Variants in ZFPM2 observed in about 807,000 individuals in gnomAD.
ZFPM2 encodes the protein zinc finger protein ZFPM2.
In ZFPM2, 20 loss-of-function variants were observed where a neutral mutation model predicts 98.6. The ratio of observed to expected loss-of-function variants is 0.20; its 90% confidence interval spans 0.14 to 0.29. ZFPM2 has a LOEUF of 0.29. Among genes scored for constraint, ZFPM2 ranks in the 10% least tolerant of loss-of-function variants. ZFPM2 has a pLI of 1.00. For synonymous variants in ZFPM2, 518 were observed against 502.7 expected (o/e 1.03, Z -0.41); for missense variants, 1,310 against 1,388.6 (o/e 0.94, Z 0.90).
intron 5 of ZFPM2, among the ~76,000 whole-genome samples, chr8:105,708,763 T>C (rs1811318135): frequency 6.6e-6 from 1 of 152,018 alleles, no homozygotes; most frequent in African/African-American, 2.4e-5. Flanking sequence ...TAGATAAGAG[T>C]TTTTATATCC....
chr8:105,766,087 T>G (rs1423390324), intron 5 of ZFPM2, among the ~76,000 whole-genome samples: 1 of 151,924 alleles, frequency 6.6e-6, no homozygotes, highest in East Asian at 1.9e-4. Context: ...CTTCATAGTT[T>G]TATCTATTTT....
At chr8:105,520,001 A>T (rs558627915) in intron 3 of ZFPM2, among the ~76,000 whole-genome samples, 1 of 152,284 alleles carries the variant, frequency 6.6e-6, no homozygotes, top group East Asian at 1.9e-4. Flanking sequence ...TCTAACTAAA[A>T]AAAATTGTTT....
intron 3 of ZFPM2, among the ~76,000 whole-genome samples, chr8:105,446,738 AC>A (rs1216014980): frequency 1.3e-5 from 2 of 151,790 alleles, no homozygotes; most frequent in Non-Finnish European, 3.0e-5. Flanking sequence ...AGGTATGGCT[AC>A]AAAAAAATTT....
intron 3 of ZFPM2, among the ~76,000 whole-genome samples, chr8:105,544,404 T>C (rs757747254): frequency 1.4e-4 from 22 of 152,146 alleles, no homozygotes; most frequent in Non-Finnish European, 2.4e-4. Flanking sequence ...TTGTAATTGA[T>C]TATGTGTTTG....
intron 1 of ZFPM2, among the ~76,000 whole-genome samples, chr8:105,411,841 A>C (rs574581178): frequency 6.6e-6 from 1 of 151,916 alleles, no homozygotes; most frequent in African/African-American, 2.4e-5. Flanking sequence ...TCCTGAGAGT[A>C]AATTAGTCAT....
At chr8:105,736,512 G>A (rs886199654) in intron 5 of ZFPM2, among the ~76,000 whole-genome samples, 6 of 151,822 alleles carry the variant, frequency 4.0e-5, no homozygotes, top group Non-Finnish European at 7.4e-5. Context: ...GCAAGCAGTT[G>A]GCATTAAATA....
At chr8:105,388,940 C>T (rs1436627545) in intron 1 of ZFPM2, among the ~76,000 whole-genome samples, 7 of 151,554 alleles carry the variant, frequency 4.6e-5, no homozygotes, top group Admixed American at 4.0e-4. Flanking sequence ...GTTGATGGCC[C>T]TATGAAAAGG....
chr8:105,359,669 C>T (rs563778064), intron 1 of ZFPM2, among the ~76,000 whole-genome samples: 240 of 152,180 alleles, frequency 1.6e-3, no homozygotes, highest in African/African-American at 5.5e-3. Context: ...CCACCGCGCC[C>T]GGCCCCACTC....
At chr8:105,491,297 C>CAATAAT (rs1007282873) in intron 3 of ZFPM2, among the ~76,000 whole-genome samples, 1 of 151,580 alleles carries the variant, frequency 6.6e-6, no homozygotes, top group Non-Finnish European at 1.5e-5. Flanking sequence ...TTAAGAAGCA[C>CAATAAT]AATAATAATA....
intron 6 of ZFPM2, chr8:105,795,711 A>G (rs946992386): frequency 5.5e-5 from 22 of 397,828 alleles, no homozygotes; most frequent in Non-Finnish European, 1.0e-4. Context: ...TTTACTTCAT[A>G]AAAAAGAAAT....
intron 4 of ZFPM2, among the ~76,000 whole-genome samples, chr8:105,610,536 C>T (rs1433042708): frequency 3.3e-5 from 5 of 151,958 alleles, no homozygotes; most frequent in African/African-American, 1.2e-4. Context: ...GCTAACAATG[C>T]TAGAGGAGAA....
chr8:105,465,329 C>A (rs1812777803), intron 3 of ZFPM2, among the ~76,000 whole-genome samples: 1 of 151,862 alleles, frequency 6.6e-6, no homozygotes, highest in Admixed American at 6.6e-5. Flanking sequence ...TTTAAATTAA[C>A]CCCAACCACA....
chr8:105,645,731 T>C (rs1483588299), intron 5 of ZFPM2, among the ~76,000 whole-genome samples: 1 of 151,828 alleles, frequency 6.6e-6, no homozygotes, highest in Non-Finnish European at 1.5e-5. Flanking sequence ...GGTGGTGAAA[T>C]ATACAGAAGC....
intron 5 of ZFPM2, among the ~76,000 whole-genome samples, chr8:105,712,318 A>T (rs1563532308): frequency 6.6e-6 from 1 of 152,064 alleles, no homozygotes; most frequent in South Asian, 2.1e-4. Context: ...AAAGAAATAG[A>T]CTAGGCCATC....
At chr8:105,402,175 T>C (rs1026936519) in intron 1 of ZFPM2, among the ~76,000 whole-genome samples, 3 of 152,084 alleles carry the variant, frequency 2.0e-5, no homozygotes, top group African/African-American at 7.2e-5. Context: ...TTTCCTTTTA[T>C]GTTGACTTGT....
At chr8:105,620,440 T>C (rs947111113) in intron 4 of ZFPM2, among the ~76,000 whole-genome samples, 1 of 152,222 alleles carries the variant, frequency 6.6e-6, no homozygotes. Context: ...TAGCCCTTTG[T>C]CAGTTGGGCA....
chr8:105,718,460 A>T (rs1356591889), intron 5 of ZFPM2, among the ~76,000 whole-genome samples: 4 of 152,006 alleles, frequency 2.6e-5, no homozygotes, highest in Admixed American at 1.3e-4. Flanking sequence ...ATCTGAATTT[A>T]TGTAACCATC....
intron 2 of ZFPM2, among the ~76,000 whole-genome samples, chr8:105,430,482 C>T (rs1811998497): frequency 6.6e-6 from 1 of 152,080 alleles, no homozygotes; most frequent in South Asian, 2.1e-4. Flanking sequence ...TTACCCTTTG[C>T]CTAAAGAGAC....
intron 5 of ZFPM2, among the ~76,000 whole-genome samples, chr8:105,667,217 G>A (rs1450232554): frequency 6.6e-6 from 1 of 152,096 alleles, no homozygotes; most frequent in Non-Finnish European, 1.5e-5. Context: ...TAGAATTTTT[G>A]AAATTCACGG....
Sources: allele counts gnomAD v4.1 joint callset (sites outside exome capture counted in the v4.1 genomes callset), GRCh38; gene constraint gnomAD v4.1.1; transcripts MANE v1.5; gene names NCBI Gene and HGNC (gene_info 2026-07-23, HGNC 2026-07-21).